Variants in CASS4 observed in about 807,000 individuals in gnomAD.
The protein encoded by CASS4 is cas scaffolding protein family member 4.
A neutral mutation model predicts 54.2 loss-of-function variants in CASS4; 22 were observed. The ratio of observed to expected loss-of-function variants is 0.41; its 90% confidence interval spans 0.29 to 0.58. CASS4 has a LOEUF of 0.58. Ranked by LOEUF, CASS4 falls within the 20% of genes least tolerant of loss-of-function variation. CASS4 has a pLI of 0.36. For synonymous variants in CASS4, 409 were observed against 391.5 expected, an observed-to-expected ratio of 1.04 and a Z score of -0.53; for missense variants, 854 against 986.7, an observed-to-expected ratio of 0.87 and a Z score of 1.80.
chr20:56,435,185 T>A (rs752801323), intron 1 of CASS4, among the ~76,000 whole-genome samples: 27 of 152,216 alleles, frequency 1.8e-4, no homozygotes, highest in Middle Eastern at 3.2e-3. Context: ...CTTGTCTGGT[T>A]AAGATGGTAT....
chr20:56,458,697 G>C lies in CASS4; in HGVS notation c.2311G>C (p.Ala771Pro). ...PAALGHLQAE[A>P]EKLEQHTRQF... ...CGCGCTGGGGCACCTCCAGGCGGAGGCTGAGAAGCTGGAGCAACACACGCG... is the reference window on the plus strand; with the variant it reads ...CGCGCTGGGGCACCTCCAGGCGGAGCCTGAGAAGCTGGAGCAACACACGCG... Residue 771 changes from alanine (A) to proline (P), a missense_variant, in exon 6 of 6, where the codon GCT becomes CCT. Coordinates refer to ENST00000679887, the MANE Select transcript of CASS4 (RefSeq NM_020356.4). The C allele has an allele frequency of 6.2e-7, 1 of 1,612,036 alleles. No homozygotes were observed. Among genetic ancestry groups the C allele is most frequent in the Non-Finnish European group, 8.5e-7 (1 of 1,179,416 alleles).
rs145761623 is a variant in CASS4 at position 56,430,072 on chromosome 20, G to A, written c.37-7092G>A. ...CTCCAGCAGAGCCCCTGGAATACACGTGATGCTCAATACAATCTTGGTGAA... is the reference window on the plus strand; with the variant it reads ...CTCCAGCAGAGCCCCTGGAATACACATGATGCTCAATACAATCTTGGTGAA... On this transcript the variant is annotated intron_variant, in intron 1 of 5. Transcript: ENST00000679887. The surrounding 1 kb of genome is among the most constrained non-coding windows in gnomAD (Gnocchi z 4.2). Among the ~76,000 whole-genome samples the A allele has an allele frequency of 8.9e-4, 136 of 152,290 alleles. No individual in the cohort carries two copies. Among genetic ancestry groups the A allele is most frequent in the Non-Finnish European group, 1.5e-4 (10 of 68,032 alleles).
Position 56,458,624 on chromosome 20 carries a change from C to G in CASS4, c.2238C>G (p.Asp746Glu), listed in dbSNP as rs1981436372. 1 of 1,613,906 alleles carries G rather than the reference C, an allele frequency of 6.2e-7. No individual in the cohort carries two copies. The highest frequency in any genetic ancestry group is 8.5e-7 in the Non-Finnish European group (1 of 1,179,978). ...GTCACCTCTGCAGCCTGCTCAAGGA[C>G]GTAGCGCTGGCCACTAAGAATGCCG... The part of the protein sequence containing the change: ...GSSHLCSLLK[D>E]VALATKNAVL... Residue 746 changes from aspartate to glutamate, a missense_variant, in exon 6 of 6, where the codon GAC becomes GAG. By Grantham distance (45) the Asp-to-Glu change is conservative. Transcript: ENST00000679887.
intron 3 of CASS4, among the ~76,000 whole-genome samples, chr20:56,449,995 C>T (rs1450924325): frequency 6.7e-6 from 1 of 149,872 alleles, no homozygotes; most frequent in Non-Finnish European, 1.5e-5. Context: ...GCAGTTAAGG[C>T]TCTCTTGTTT....
intron 1 of CASS4, among the ~76,000 whole-genome samples, chr20:56,422,997 C>A (rs558705635): frequency 2.6e-5 from 4 of 152,138 alleles, no homozygotes; most frequent in African/African-American, 9.7e-5. Flanking sequence ...GGAGAGAATG[C>A]GTTATGTAAC....
chr20:56,451,777 G>A (rs201383535), intron 4 of CASS4, 42 bp from the exon 5 acceptor site: 1 of 1,486,436 alleles, frequency 6.7e-7, no homozygotes, highest in Admixed American at 1.9e-5. Flanking sequence ...CGCCCTCTTT[G>A]GAAAGCTACT....
intron 1 of CASS4, among the ~76,000 whole-genome samples, chr20:56,427,255 A>G (rs756191138): frequency 9.9e-5 from 15 of 151,138 alleles, no homozygotes; most frequent in Admixed American, 9.2e-4. Context: ...AATCCCTCCC[A>G]GAAGAAGTGT....
chr20:56,452,697 C>T lies in CASS4; in HGVS notation c.1521C>T (p.Leu507=). The change falls in exon 5 of 6, where the codon CTC becomes CTT. Residue 507 remains leucine (L), a synonymous_variant. Transcript: ENST00000679887. The part of the protein sequence containing the change: ...ARGVHGTACN[L]TDSNLQNRIR... ...GAGTCCATGGGACTGCCTGTAACCTCACTGACAGTAACCTTCAGAACAGAA... is the reference window on the plus strand; with the variant it reads ...GAGTCCATGGGACTGCCTGTAACCTTACTGACAGTAACCTTCAGAACAGAA... 1 of 1,614,208 alleles carries T rather than the reference C, an allele frequency of 6.2e-7. No individual in the cohort carries two copies. Among genetic ancestry groups the T allele is most frequent in the Non-Finnish European group, 8.5e-7 (1 of 1,180,038 alleles).
chr20:56,458,812 C>T lies in CASS4; in HGVS notation c.*65C>T, dbSNP rs1981457890. The T allele has an allele frequency of 1.4e-6, 2 of 1,449,564 alleles. No individual in the cohort carries two copies. Among genetic ancestry groups the T allele is most frequent in the African/African-American group, 2.8e-5 (2 of 70,750 alleles). 89.8% of individuals were successfully genotyped at this position (1,449,564 alleles called of 1,614,324 possible). ...CTTCACACCCACAACTTGTGCAACT[C>T]TGCCCTATGGGAAAAGCCAGCCGGG... On this transcript the variant is annotated 3_prime_UTR_variant, in exon 6 of 6. Transcript: ENST00000679887.
chr20:56,415,466 T>C lies in CASS4; in HGVS notation c.36+2972T>C, dbSNP rs564871678. 2.0e-5 allele frequency among the ~76,000 whole-genome samples: 3 copies of C among 152,302 alleles called. No individual in the cohort carries two copies. The South Asian group carries it at 6.2e-4, about 32-fold the overall frequency. On this transcript the variant is annotated intron_variant, in intron 1 of 5. Coordinates refer to ENST00000679887, the MANE Select transcript of CASS4 (RefSeq NM_020356.4). ...CATCTATAAGATACATGTTTTAAGG[T>C]TTTACACAAATAGGAGCTGTAAGTA...
Position 56,412,530 on chromosome 20 carries a change from G to C in CASS4, c.36+36G>C, listed in dbSNP as rs142858434. 1,582 of 1,604,098 alleles carry C rather than the reference G, an allele frequency of 9.9e-4. 1 individual carries two copies. Among genetic ancestry groups the C allele is most frequent in the Non-Finnish European group, 1.2e-3 (1,416 of 1,174,600 alleles). Reference sequence around the variant, plus strand: ...TGGGGCTGTTTGAATGGGCTCTGGCGGGGAGCAAGCTGTGATGATTAAGGG... The same window carrying C: ...TGGGGCTGTTTGAATGGGCTCTGGCCGGGAGCAAGCTGTGATGATTAAGGG... On this transcript the variant is annotated intron_variant, in intron 1 of 5. Transcript: ENST00000679887. The surrounding 1 kb of genome is among the most constrained non-coding windows in gnomAD (Gnocchi z 4.2).
chr20:56,431,210 T>A (rs1377323457), intron 1 of CASS4, among the ~76,000 whole-genome samples: 2 of 152,212 alleles, frequency 1.3e-5, no homozygotes, highest in Non-Finnish European at 2.9e-5. Flanking sequence ...TTCATAGAAA[T>A]AGGTAATATT....
At chr20:56,447,623 G>C (rs528700817) in intron 3 of CASS4, among the ~76,000 whole-genome samples, 115 of 152,286 alleles carry the variant, frequency 7.6e-4, no homozygotes, top group African/African-American at 2.7e-3. Context: ...TCTCTTACCT[G>C]CAAGTCCCTC....
chr20:56,422,868 C>T (rs1389664160), intron 1 of CASS4, among the ~76,000 whole-genome samples: 1 of 152,232 alleles, frequency 6.6e-6, no homozygotes, highest in East Asian at 1.9e-4. Flanking sequence ...TCTCTCATAT[C>T]CCTCCTCATA....
At chr20:56,433,624 T>C (rs773164496) in intron 1 of CASS4, among the ~76,000 whole-genome samples, 1 of 152,146 alleles carries the variant, frequency 6.6e-6, no homozygotes, top group Non-Finnish European at 1.5e-5. Context: ...GAAGGAACAA[T>C]TGGCTGACCC....
In CASS4 at chr20:56,452,910, C is replaced by A; in HGVS notation, c.1734C>A (p.Ser578=). 1 of 1,614,044 alleles carries A rather than the reference C, an allele frequency of 6.2e-7. No homozygotes were observed. Among genetic ancestry groups the A allele is most frequent in the South Asian group, 1.1e-5 (1 of 91,070 alleles). The change falls in exon 5 of 6, where the codon TCC becomes TCA. Residue 578 remains serine, a synonymous_variant. Transcript: ENST00000679887. ...CAGAAGACATCAAGAGGTTTGCCTC[C>A]ATTGTCATTGCCAATGGAAGGCTCC... The part of the protein sequence containing the change: ...MLPEDIKRFA[S]IVIANGRLLF...
chr20:56,422,540 A>G (rs1235706043), intron 1 of CASS4, among the ~76,000 whole-genome samples: 1 of 152,232 alleles, frequency 6.6e-6, no homozygotes, highest in Non-Finnish European at 1.5e-5. Context: ...ACCTGCTGGA[A>G]AAGCACAGTA....
chr20:56,420,077 G>T (rs1230379138), intron 1 of CASS4, among the ~76,000 whole-genome samples: 1 of 152,118 alleles, frequency 6.6e-6, no homozygotes, highest in Non-Finnish European at 1.5e-5. Context: ...GCTCCTCTAG[G>T]AGATGAGTGT....
chr20:56,458,742 G>A lies in CASS4; in HGVS notation c.2356G>A (p.Gly786Arg), dbSNP rs772082389. 5 of 1,598,680 alleles carry A rather than the reference G, an allele frequency of 3.1e-6. No homozygotes were observed. The Admixed American group carries it at 6.8e-5, about 22-fold the overall frequency. Reference sequence around the variant, plus strand: ...CACGCGGCAGTTCAGAGGGACACTGGGATGAGGACTGTCTACCTCCCTTCC... The same window carrying A: ...CACGCGGCAGTTCAGAGGGACACTGAGATGAGGACTGTCTACCTCCCTTCC... Reference protein sequence around the residue: ...QHTRQFRGTLG With the variant: ...QHTRQFRGTLR Residue 786 changes from glycine (G) to arginine (R), a missense_variant, in exon 6 of 6, where the codon GGA becomes AGA. Physicochemically the swap from Gly to Arg is moderately radical, Grantham distance 125. Transcript: ENST00000679887.
Sources: gnomAD v4.1 joint callset for allele counts (sites outside exome capture counted in the v4.1 genomes callset) on GRCh38, gnomAD v4.1.1 for gene constraint, Gnocchi (gnomAD v3.1) non-coding constraint, MANE v1.5 for transcripts, NCBI Gene and HGNC (gene_info 2026-07-23, HGNC 2026-07-21) for gene names.